Variants in STON2 observed in about 807,000 individuals in gnomAD.
The protein encoded by STON2 is stonin-2.
Under a neutral mutation model 65.7 loss-of-function variants are expected in STON2, and 29 were observed. The observed-to-expected ratio is 0.44, with a 90% CI of 0.33 to 0.60. The LOEUF (loss-of-function observed/expected upper bound fraction) is 0.60, where lower values mean the gene tolerates loss of function less well. STON2 is among the 20% of genes least tolerant of loss of function. STON2 has a pLI of 0.03. For missense variants in STON2, 1,054 were observed against 1,118.1 expected, an observed-to-expected ratio of 0.94 and a Z score of 0.82; for synonymous variants, 404 against 414.2, an observed-to-expected ratio of 0.98 and a Z score of 0.30.
At chr14:81,428,536 A>G (rs1260069894) in intron 1 of STON2, among the ~76,000 whole-genome samples, 2 of 152,042 alleles carry the variant, frequency 1.3e-5, no homozygotes, top group African/African-American at 4.8e-5. Flanking sequence ...TAGCCAGGCC[A>G]ACATGGCGAA....
chr14:81,308,265 G>A (rs1896260993), intron 5 of STON2, among the ~76,000 whole-genome samples: 1 of 152,050 alleles, frequency 6.6e-6, no homozygotes, highest in East Asian at 1.9e-4. Context: ...GAGTGCAGAC[G>A]CGATCTCAGT....
chr14:81,360,503 A>G (rs1457882686), intron 4 of STON2, among the ~76,000 whole-genome samples: 1 of 152,208 alleles, frequency 6.6e-6, no homozygotes, highest in East Asian at 1.9e-4. Context: ...ATAACAAATT[A>G]GGTATAAAAG....
chr14:81,292,284 A>G (rs1347382183), intron 5 of STON2, among the ~76,000 whole-genome samples: 1 of 152,248 alleles, frequency 6.6e-6, no homozygotes, highest in Non-Finnish European at 1.5e-5. Flanking sequence ...ACACCAGTCC[A>G]GTCCCTTTCT....
At chr14:81,380,845 G>T (rs183076931) in intron 3 of STON2, among the ~76,000 whole-genome samples, 1 of 152,080 alleles carries the variant, frequency 6.6e-6, no homozygotes, top group African/African-American at 2.4e-5. Flanking sequence ...GGAGGAGAGT[G>T]AGGATTGAAA....
intron 2 of STON2, among the ~76,000 whole-genome samples, chr14:81,412,577 G>T (rs1481102930): frequency 1.4e-5 from 2 of 138,892 alleles, no homozygotes; most frequent in Non-Finnish European, 3.0e-5. Flanking sequence ...GTTGCCAGGG[G>T]CCAGGGAGGC....
At chr14:81,279,913 T>C (rs1895038794) in intron 5 of STON2, among the ~76,000 whole-genome samples, 1 of 152,190 alleles carries the variant, frequency 6.6e-6, no homozygotes, top group South Asian at 2.1e-4. Flanking sequence ...ATCTAAATTA[T>C]GAACCAAGTT....
At chr14:81,344,252 C>T (rs1595375466) in intron 4 of STON2, among the ~76,000 whole-genome samples, 1 of 152,066 alleles carries the variant, frequency 6.6e-6, no homozygotes, top group Admixed American at 6.5e-5. Context: ...TTAACGTATA[C>T]TTATTATAAA....
chr14:81,271,468 C>G (rs986704484), intron 6 of STON2, among the ~76,000 whole-genome samples: 3 of 152,164 alleles, frequency 2.0e-5, no homozygotes, highest in Non-Finnish European at 4.4e-5. Flanking sequence ...GGACTTCCAG[C>G]TCCCCTGCTA....
At chr14:81,430,845 T>A (rs927308693) in intron 1 of STON2, among the ~76,000 whole-genome samples, 5 of 152,210 alleles carry the variant, frequency 3.3e-5, no homozygotes, top group African/African-American at 1.2e-4. Flanking sequence ...GTAAATGTTA[T>A]CCAGTGGGGA....
intron 3 of STON2, chr14:81,395,372 G>C (rs1299072143): frequency 6.5e-6 from 1 of 152,740 alleles, no homozygotes; most frequent in African/African-American, 2.4e-5. Flanking sequence ...CTCCTGAGTG[G>C]CTGGGATTAC....
intron 2 of STON2, among the ~76,000 whole-genome samples, chr14:81,410,632 G>A (rs1901110185): frequency 6.6e-6 from 1 of 152,152 alleles, no homozygotes; most frequent in Admixed American, 6.6e-5. Flanking sequence ...CCCTGAGCAG[G>A]GAACCCATTC....
chr14:81,295,239 G>T (rs973533978), intron 5 of STON2, among the ~76,000 whole-genome samples: 1 of 152,104 alleles, frequency 6.6e-6, no homozygotes, highest in Non-Finnish European at 1.5e-5. Flanking sequence ...GCAGGAGAAT[G>T]GCTTGAACCC....
intron 6 of STON2, among the ~76,000 whole-genome samples, chr14:81,275,152 TA>T (rs373285108): frequency 1.3e-5 from 2 of 152,094 alleles, no homozygotes; most frequent in Non-Finnish European, 2.9e-5. Context: ...ATAATAATAA[TA>T]AACCTTCATG....
intron 1 of STON2, chr14:81,427,340 T>G (rs1902028191): frequency 6.6e-6 from 1 of 152,152 alleles, no homozygotes; most frequent in Non-Finnish European, 1.5e-5. Flanking sequence ...CACAGGAAAA[T>G]GGCAACCAAA....
chr14:81,418,338 A>T (rs1230397040), intron 2 of STON2: 1 of 152,180 alleles, frequency 6.6e-6, no homozygotes, highest in Non-Finnish European at 1.5e-5. Flanking sequence ...CACAGGAAAG[A>T]CCTGTCCCCA....
intron 4 of STON2, among the ~76,000 whole-genome samples, chr14:81,345,847 C>T (rs1186456624): frequency 6.6e-6 from 1 of 152,112 alleles, no homozygotes. Context: ...TATAAGACTC[C>T]ATATAAGCCT....
rs1894858436 is a variant in STON2 at position 81,277,068 on chromosome 14, A to G, written c.2414T>C (p.Leu805Pro). The part of the protein sequence containing the change: ...WVKNFRRESV[L>P]GEKSLKAKVN... Reference sequence around the variant, plus strand: ...TTTGGCTTTCAAAGACTTTTCCCCCAGGACACTTTCCCTGCGGAAGTTTTT... The same window carrying G: ...TTTGGCTTTCAAAGACTTTTCCCCCGGGACACTTTCCCTGCGGAAGTTTTT... The change falls in exon 6 of 8, where the codon CTG (leucine) becomes CCG (proline). Residue 805 changes from leucine to proline, a missense_variant. Leu to Pro is a moderately conservative substitution (Grantham distance 98). Coordinates refer to ENST00000614646, the MANE Select transcript of STON2 (RefSeq NM_001394390.1). 2 of 1,614,186 alleles carry G rather than the reference A, an allele frequency of 1.2e-6. No individual in the cohort carries two copies. The highest frequency in any genetic ancestry group is 1.7e-6 in the Non-Finnish European group (2 of 1,180,032).
At chr14:81,432,472 A>G (rs561271442) in intron 1 of STON2, among the ~76,000 whole-genome samples, 1 of 152,322 alleles carries the variant, frequency 6.6e-6, no homozygotes, top group East Asian at 1.9e-4. Context: ...TAAAGCAAGC[A>G]ATTTCTTGGT....
chr14:81,429,137 C>T (rs2139925846), intron 1 of STON2, among the ~76,000 whole-genome samples: 1 of 152,340 alleles, frequency 6.6e-6, no homozygotes, highest in South Asian at 2.1e-4. Flanking sequence ...AGCTGAGAGC[C>T]CCCATGGGGC....
Sources: gnomAD v4.1 joint callset for allele counts (sites outside exome capture counted in the v4.1 genomes callset) on GRCh38, gnomAD v4.1.1 for gene constraint, MANE v1.5 for transcripts, NCBI Gene and HGNC (gene_info 2026-07-23, HGNC 2026-07-21) for gene names.